The following CENPP variants were observed in gnomAD, a reference collection of about 807,000 sequenced individuals.
CENPP encodes the protein centromere protein P.
CENPP carries 24 observed loss-of-function variants against 35.6 expected under a neutral mutation model. The ratio of observed to expected loss-of-function variants is 0.67; its 90% confidence interval spans 0.49 to 0.95. The LOEUF is 0.95. Among genes scored for constraint, CENPP ranks in the 40% least tolerant of loss-of-function variants. The pLI, the probability that CENPP is intolerant of heterozygous loss-of-function variation, is 0.00. For missense variants in CENPP, 332 were observed against 345.3 expected, an observed-to-expected ratio of 0.96 and a Z score of 0.31; for synonymous variants, 120 against 125.5, an observed-to-expected ratio of 0.96 and a Z score of 0.29.
intron 4 of CENPP, among the ~76,000 whole-genome samples, chr9:92,354,116 T>C (rs1306006507): frequency 6.6e-6 from 1 of 152,226 alleles, no homozygotes; most frequent in Non-Finnish European, 1.5e-5. Context: ...CTGTATGGCA[T>C]ACTGTGATGG....
At chr9:92,437,284 G>GT (rs1844269029) in intron 5 of CENPP, among the ~76,000 whole-genome samples, 1 of 151,976 alleles carries the variant, frequency 6.6e-6, no homozygotes, top group African/African-American at 2.4e-5. Flanking sequence ...TTTTAATTGG[G>GT]TTTTTGTCTT....
chr9:92,415,984 G>A (rs1435378072), intron 5 of CENPP, among the ~76,000 whole-genome samples: 1 of 137,174 alleles, frequency 7.3e-6, no homozygotes, highest in East Asian at 2.1e-4. Flanking sequence ...ATATATATAT[G>A]TATAAATTAT....
At chr9:92,520,703 C>A (rs1460592894) in intron 5 of CENPP, among the ~76,000 whole-genome samples, 1 of 151,996 alleles carries the variant, frequency 6.6e-6, no homozygotes, top group Non-Finnish European at 1.5e-5. Context: ...TGGAAACAGC[C>A]CAGATGTTCA....
At chr9:92,351,684 G>A (rs1482098362) in intron 4 of CENPP, among the ~76,000 whole-genome samples, 2 of 152,020 alleles carry the variant, frequency 1.3e-5, no homozygotes, top group African/African-American at 4.8e-5. Context: ...AGGCAGGCGT[G>A]CAGTGGTGTG....
chr9:92,397,493 AT>A (rs1055629238), intron 5 of CENPP, among the ~76,000 whole-genome samples: 18 of 151,684 alleles, frequency 1.2e-4, no homozygotes, highest in African/African-American at 3.6e-4. Flanking sequence ...TGCCCAGCTA[AT>A]TTTTTTTGTA....
intron 5 of CENPP, among the ~76,000 whole-genome samples, chr9:92,542,639 C>A (rs1482579115): frequency 6.6e-6 from 1 of 152,130 alleles, no homozygotes. Context: ...GCCTCAGCCT[C>A]CCCAGTAGCT....
At chr9:92,388,831 CAA>C (rs533649013) in intron 5 of CENPP, among the ~76,000 whole-genome samples, 54 of 83,544 alleles carry the variant, frequency 6.5e-4, no homozygotes, top group Admixed American at 9.8e-4. Context: ...GACTCCATCT[CAA>C]AAAAAAAAAA....
intron 5 of CENPP, among the ~76,000 whole-genome samples, chr9:92,583,288 G>A (rs1209463721): frequency 6.6e-6 from 1 of 152,190 alleles, no homozygotes; most frequent in African/African-American, 2.4e-5. Context: ...AAAAGCCTTT[G>A]TAACAAACAG....
intron 4 of CENPP, among the ~76,000 whole-genome samples, chr9:92,348,872 G>T (rs1053302402): frequency 5.9e-5 from 9 of 152,140 alleles, no homozygotes; most frequent in Middle Eastern, 3.2e-3. Context: ...TCATAATCTG[G>T]ATTGCATAGG....
intron 5 of CENPP, among the ~76,000 whole-genome samples, chr9:92,592,908 T>G (rs1478398007): frequency 2.6e-5 from 4 of 152,238 alleles, no homozygotes; most frequent in Non-Finnish European, 5.9e-5. Flanking sequence ...ATATCTGTGC[T>G]TTTTATTAAG....
Position 92,619,193 on chromosome 9 carries a change from C to T in CENPP, c.*6044C>T, listed in dbSNP as rs554610809. The T allele has an allele frequency of 8.5e-6, 3 of 352,702 alleles. No homozygotes were observed. The highest frequency in any genetic ancestry group is 6.2e-5 in the African/African-American group (3 of 48,770). The allele number at this position is 352,702 out of a possible 1,614,324, so 21.8% of individuals were successfully genotyped here. On this transcript the variant is annotated 3_prime_UTR_variant, in exon 8 of 8. Coordinates refer to ENST00000375587, the MANE Select transcript of CENPP (RefSeq NM_001012267.3). ...CTTTGAGGGAATGCAATGGGCAGCT[C>T]ACTGTCCACATTGTTTCTGAGCTCT...
rs552731893 is a variant in CENPP, at chr9:92,551,599, G to C, written c.565-59715G>C. Among the ~76,000 whole-genome samples the C allele has an allele frequency of 8.3e-4, 126 of 152,028 alleles. 1 individual carries two copies. Among genetic ancestry groups the C allele is most frequent in the African/African-American group, 2.8e-3 (118 of 41,452 alleles). ...TGAGTAAGTTGTTTAGTGGTGATTT[G>C]TGAGATTTTGGTGTACCCATCACCC... On this transcript the variant is annotated intron_variant, in intron 5 of 7. Transcript: ENST00000375587.
intron 5 of CENPP, among the ~76,000 whole-genome samples, chr9:92,430,786 TG>T (rs1208003926): frequency 6.6e-6 from 1 of 152,038 alleles, no homozygotes; most frequent in Non-Finnish European, 1.5e-5. Context: ...TTGTTGTTGT[TG>T]TTGTTTTGTT....
At chr9:92,484,669 G>T (rs1846014319) in intron 5 of CENPP, among the ~76,000 whole-genome samples, 1 of 152,136 alleles carries the variant, frequency 6.6e-6, no homozygotes, top group Non-Finnish European at 1.5e-5. Flanking sequence ...TTCTGGTTTT[G>T]CATGGCAACT....
intron 5 of CENPP, among the ~76,000 whole-genome samples, chr9:92,497,025 A>G (rs1846386197): frequency 6.6e-6 from 1 of 152,134 alleles, no homozygotes; most frequent in African/African-American, 2.4e-5. Flanking sequence ...AGAATGCAAA[A>G]TGGTGCGCCA....
chr9:92,438,843 C>T (rs1490734718), intron 5 of CENPP, among the ~76,000 whole-genome samples: 1 of 152,194 alleles, frequency 6.6e-6, no homozygotes, highest in Non-Finnish European at 1.5e-5. Context: ...ATCCCAGCTG[C>T]TTGGGAGGCT....
intron 4 of CENPP, among the ~76,000 whole-genome samples, chr9:92,362,651 G>T (rs188460964): frequency 2.1e-4 from 32 of 152,228 alleles, no homozygotes; most frequent in Middle Eastern, 3.4e-3. Flanking sequence ...CAGACTTGAT[G>T]ACCACACAAT....
chr9:92,548,414 A>G (rs998484784), intron 5 of CENPP, among the ~76,000 whole-genome samples: 9 of 152,246 alleles, frequency 5.9e-5, no homozygotes, highest in Admixed American at 1.3e-4. Context: ...GAGAGTCCCA[A>G]TTAGGGGGTT....
intron 5 of CENPP, among the ~76,000 whole-genome samples, chr9:92,461,716 G>T (rs1301470975): frequency 6.6e-6 from 1 of 152,154 alleles, no homozygotes; most frequent in African/African-American, 2.4e-5. Flanking sequence ...TTGGAAAATG[G>T]TGACTTCCTG....
Sources: gnomAD v4.1 joint callset for allele counts (sites outside exome capture counted in the v4.1 genomes callset) on GRCh38, gnomAD v4.1.1 for gene constraint, MANE v1.5 for transcripts, NCBI Gene and HGNC (gene_info 2026-07-23, HGNC 2026-07-21) for gene names.